The following FCN3 variants were observed in gnomAD, a reference collection of about 807,000 sequenced individuals.
FCN3 encodes ficolin-3.
In FCN3, 28 loss-of-function variants were observed where a neutral mutation model predicts 31.5. That is an observed-to-expected ratio of 0.89 (90% CI 0.66 to 1.22). The LOEUF (loss-of-function observed/expected upper bound fraction) is 1.22. FCN3 is among the 50% of genes most tolerant of loss of function. The pLI is 0.00. For missense variants in FCN3, 351 were observed against 386.8 expected (o/e 0.91, Z 0.78); for synonymous variants, 124 against 147.4 (o/e 0.84, Z 1.15).
At position 27,370,324 on chromosome 1, in the gene FCN3, T is replaced by C. The variant is rs971743323; in HGVS notation, c.658+272A>G. 1.2e-5 allele frequency: 5 copies of C among 432,982 alleles called. 1 individual carries two copies. The highest frequency in any genetic ancestry group is 2.1e-5 in the Non-Finnish European group (5 of 239,410). The allele number at this position is 432,982 out of a possible 1,614,324, so 26.8% of individuals were successfully genotyped here. ...GTGCCCGGCCTCCCTGCCCATTTTA[T>C]AGAGGAGGAAACTGAGGCTCAGTGG... On this transcript the variant is annotated intron_variant, in intron 7 of 7. Coordinates refer to ENST00000270879, the MANE Select transcript of FCN3 (RefSeq NM_003665.4).
At chr1:27,374,573 T>C in intron 1 of FCN3, 122 bp from the exon 2 acceptor site, 1 of 783,016 alleles carries the variant, frequency 1.3e-6, no homozygotes, top group Admixed American at 2.7e-5. Flanking sequence ...GCTGGCAAGG[T>C]TTCGTGTGCT....
intron 3 of FCN3, 40 bp downstream of exon 3, chr1:27,373,925 G>C (rs2016199455): frequency 6.3e-7 from 1 of 1,581,612 alleles, no homozygotes; most frequent in African/African-American, 1.3e-5. Flanking sequence ...CAGGGACAGA[G>C]GCAAAGAAAG....
intron 7 of FCN3, among the ~76,000 whole-genome samples, chr1:27,369,688 T>G (rs1302264560): frequency 6.6e-6 from 1 of 151,960 alleles, no homozygotes; most frequent in African/African-American, 2.4e-5. Context: ...GCTCCAAAGC[T>G]CCCAGCTTTT....
chr1:27,373,759 C>A, intron 3 of FCN3: 1 of 643,170 alleles, frequency 1.6e-6, no homozygotes, highest in Non-Finnish European at 2.7e-6. Flanking sequence ...TCTCCTAATC[C>A]TCCCCACTCC....
In FCN3 at chr1:27,370,610, G is replaced by A; in HGVS notation, c.644C>T (p.Ser215Leu). 6.2e-7 allele frequency: 1 copy of A among 1,614,204 alleles called. No homozygotes were observed. The highest frequency in any genetic ancestry group is 8.5e-7 in the Non-Finnish European group (1 of 1,180,020). The change falls in exon 7 of 8, where the codon TCA becomes TTA. Residue 215 changes from serine to leucine, a missense_variant. Ser to Leu is a moderately radical substitution (Grantham distance 145, BLOSUM62 -2). Transcript: ENST00000270879. ...DHYQLALGKF[S>L]EGTAGDSLSL... ...GGCTCACTCACCTGCAGTGCCCTCT[G>A]AGAACTTGCCCAGTGCCAGCTGGTA... is the stretch of plus-strand genomic sequence containing the variant.
Position 27,370,855 on chromosome 1 carries a change from G to A in FCN3, c.511C>T (p.Leu171Phe), listed in dbSNP as rs145577947. 7.9e-5 allele frequency: 128 copies of A among 1,614,046 alleles called. No individual in the cohort carries two copies. The highest frequency in any genetic ancestry group is 1.0e-4 in the Non-Finnish European group (123 of 1,180,034). Reference sequence around the variant, plus strand: ...GCTGGGAACTCACCCTGGAGAGTAAGCTGGTGCAAATTCTCATTTCCCAGC... The same window carrying A: ...GCTGGGAACTCACCCTGGAGAGTAAACTGGTGCAAATTCTCATTTCCCAGC... ...FWLGNENLHQ[L>F]TLQGNWELRV... The change falls in exon 6 of 8, where the codon CTT becomes TTT. Residue 171 changes from leucine (L) to phenylalanine (F), a missense_variant. Physicochemically the swap from Leu to Phe is conservative, Grantham distance 22. Transcript: ENST00000270879.
At chr1:27,373,427 G>A (rs2016188349) in intron 4 of FCN3, 61 bp downstream of exon 4, 3 of 1,604,734 alleles carry the variant, frequency 1.9e-6, no homozygotes, top group Middle Eastern at 1.7e-4. Context: ...ACACTTGGGG[G>A]TCTGCCAACA....
chr1:27,371,592 CA>C (rs1553144431), intron 5 of FCN3, among the ~76,000 whole-genome samples: 1 of 151,896 alleles, frequency 6.6e-6, no homozygotes, highest in Non-Finnish European at 1.5e-5. Flanking sequence ...AACAAACAAA[CA>C]AAAAAACCAA....
intron 7 of FCN3, chr1:27,370,354 G>A: frequency 3.8e-6 from 2 of 520,146 alleles, no homozygotes; most frequent in Middle Eastern, 1.0e-3. Context: ...CAGTGGAGGG[G>A]TAGGACTTGC....
intron 5 of FCN3, among the ~76,000 whole-genome samples, chr1:27,371,237 T>C (rs1197157542): frequency 6.6e-6 from 1 of 152,226 alleles, no homozygotes; most frequent in African/African-American, 2.4e-5. Flanking sequence ...CCACAGGAGA[T>C]GGCCAGCGCT....
rs2016132759 is a variant in FCN3 at position 27,370,895 on chromosome 1, T to C, written c.471A>G (p.Gln157=). 1 of 1,613,960 alleles carries C rather than the reference T, an allele frequency of 6.2e-7. No homozygotes were observed. The highest frequency in any genetic ancestry group is 8.5e-7 in the Non-Finnish European group (1 of 1,180,020). The change falls in exon 6 of 8, where the codon CAA becomes CAG. Residue 157 remains glutamine, a synonymous_variant. Transcript: ENST00000270879. ...WSSYRAGFGN[Q]ESEFWLGNEN... ...CATTTCCCAGCCAGAATTCAGACTC[T>C]TGGTTCCCAAAACCTGCTCTGTAGG...
chr1:27,369,317 G>A lies in FCN3; in HGVS notation c.819C>T (p.Ala273=), dbSNP rs76041454. ...LNGRYAVSEA[A]AHKYGIDWAS... is the part of the protein sequence containing the mutation. ...CCCAGTCAATGCCATATTTGTGGGC[G>A]GCAGCCTCAGACACTGCATAGCGAC... Residue 273 remains alanine (A), a synonymous_variant, in exon 8 of 8, where the codon GCC becomes GCT. Transcript: ENST00000270879. 2.5e-5 allele frequency: 41 copies of A among 1,614,230 alleles called. No individual in the cohort carries two copies. Among genetic ancestry groups the A allele is most frequent in the African/African-American group, 1.7e-4 (13 of 75,054 alleles).
In FCN3 at chr1:27,369,342, C is replaced by T. The variant is rs775989626; in HGVS notation, c.794G>A (p.Gly265Asp). The T allele has an allele frequency of 1.1e-5, 17 of 1,614,138 alleles. No individual in the cohort carries two copies. The highest frequency in any genetic ancestry group is 1.7e-5 in the Admixed American group (1 of 60,008). ...GGCAGCCTCAGACACTGCATAGCGA[C>T]CATTGAGATTTGATCGGTAACAGGA... ...YASCYRSNLN[G>D]RYAVSEAAAH... Residue 265 changes from glycine to aspartate, a missense_variant, in exon 8 of 8, where the codon GGT becomes GAT. Transcript: ENST00000270879.
intron 7 of FCN3, 112 bp downstream of exon 7, chr1:27,370,484 G>A (rs1282479707): frequency 6.5e-6 from 6 of 919,474 alleles, no homozygotes; most frequent in Admixed American, 2.5e-5. Context: ...TCTCAGATGC[G>A]GAAACTAAGG....
At chr1:27,371,855 G>A (rs921871278) in intron 5 of FCN3, among the ~76,000 whole-genome samples, 1 of 151,888 alleles carries the variant, frequency 6.6e-6, no homozygotes, top group African/African-American at 2.4e-5. Context: ...TGCCTCCCTG[G>A]TTCAAGCAAT....
chr1:27,369,389 G>C lies in FCN3; in HGVS notation c.747C>G (p.Val249=), dbSNP rs1475461309. The part of the protein sequence containing the change: ...DSSNSNCAVI[V]HGAWWYASCY... ...AGGATGCATACCACCAGGCACCGTGGACAATCACTGCACAGTTGCTGTTGC... is the reference window on the plus strand; with the variant it reads ...AGGATGCATACCACCAGGCACCGTGCACAATCACTGCACAGTTGCTGTTGC... The change falls in exon 8 of 8, where the codon GTC becomes GTG. Residue 249 remains valine (V), a synonymous_variant. Coordinates refer to ENST00000270879, the MANE Select transcript of FCN3 (RefSeq NM_003665.4). The C allele has an allele frequency of 6.2e-7, 1 of 1,614,114 alleles. No individual in the cohort carries two copies. The highest frequency in any genetic ancestry group is 8.5e-7 in the Non-Finnish European group (1 of 1,180,038).
At position 27,369,240 on chromosome 1, in the gene FCN3, C is replaced by G. The variant is rs377040918; in HGVS notation, c.896G>C (p.Arg299Pro). ...HPYRRVRMMLR is the reference protein window; with the variant it reads ...HPYRRVRMMLP ...GGCACTGGCTGCCAGAGTGCCCTAT[C>G]GAAGCATCATCCGAACCCTGCGGTA... Residue 299 changes from arginine to proline, a missense_variant, in exon 8 of 8, where the codon CGA (arginine) becomes CCA (proline). Coordinates refer to ENST00000270879, the MANE Select transcript of FCN3 (RefSeq NM_003665.4). 5.0e-6 allele frequency: 8 copies of G among 1,614,150 alleles called. No individual in the cohort carries two copies. Among genetic ancestry groups the G allele is most frequent in the Non-Finnish European group, 6.8e-6 (8 of 1,180,002 alleles).
chr1:27,373,174 C>T lies in FCN3; in HGVS notation c.355G>A (p.Val119Ile), dbSNP rs1299742225. ...LCLPEGRALPVFCDMDTEGGG... is the reference protein window; with the variant it reads ...LCLPEGRALPIFCDMDTEGGG... Reference sequence around the variant, plus strand: ...CCCTCGGTGTCCATGTCACAAAAGACTGGGAGGGCCCTGCCCTCAGGTAGG... The same window carrying T: ...CCCTCGGTGTCCATGTCACAAAAGATTGGGAGGGCCCTGCCCTCAGGTAGG... The change falls in exon 5 of 8, where the codon GTC (valine) becomes ATC (isoleucine). Residue 119 changes from valine (V) to isoleucine (I), a missense_variant. Coordinates refer to ENST00000270879, the MANE Select transcript of FCN3 (RefSeq NM_003665.4). 3.1e-6 allele frequency: 5 copies of T among 1,613,712 alleles called. No individual in the cohort carries two copies. Among genetic ancestry groups the T allele is most frequent in the Non-Finnish European group, 4.2e-6 (5 of 1,179,932 alleles).
intron 5 of FCN3, among the ~76,000 whole-genome samples, chr1:27,371,540 C>A (rs2016146090): frequency 6.6e-6 from 1 of 151,896 alleles, no homozygotes; most frequent in South Asian, 2.1e-4. Flanking sequence ...CACACCACTG[C>A]ACTCCAGCCT....
Sources: gnomAD v4.1 joint callset for allele counts (sites outside exome capture counted in the v4.1 genomes callset) on GRCh38, gnomAD v4.1.1 for gene constraint, MANE v1.5 for transcripts, NCBI Gene and HGNC (gene_info 2026-07-23, HGNC 2026-07-21) for gene names.